Variants in EPGN observed in about 807,000 individuals in gnomAD.
The protein encoded by EPGN is epithelial mitogen.
Under a neutral mutation model 20.7 loss-of-function variants are expected in EPGN, and 21 were observed. The ratio of observed to expected loss-of-function variants is 1.01; its 90% CI spans 0.72 to 1.46. The LOEUF is 1.46. EPGN is among the 40% of genes most tolerant of loss of function. The probability of loss-of-function intolerance (pLI) is 0.00; values close to 1 mark genes in which losing one functional copy is unlikely to be tolerated. For synonymous variants in EPGN, 69 were observed against 63.8 expected (o/e 1.08, Z -0.39); for missense variants, 199 against 180.7 (o/e 1.10, Z -0.58).
chr4:74,311,217 G>C (rs911031471), intron 2 of EPGN, among the ~76,000 whole-genome samples: 3 of 151,822 alleles, frequency 2.0e-5, no homozygotes, highest in East Asian at 1.9e-4. Flanking sequence ...TTAGTTAATC[G>C]AACTTGTTTA....
At chr4:74,308,867 T>C (rs146368644) in intron 1 of EPGN, among the ~76,000 whole-genome samples, 12 of 152,336 alleles carry the variant, frequency 7.9e-5, no homozygotes, top group African/African-American at 2.9e-4. Flanking sequence ...AATATGTAAA[T>C]GTATCAATGG....
At chr4:74,313,363 C>A in intron 4 of EPGN, 193 bp downstream of exon 4, 1 of 1,396,136 alleles carries the variant, frequency 7.2e-7, no homozygotes. Flanking sequence ...TAAAAATTTG[C>A]CTTCAGTTGT....
Position 74,314,541 on chromosome 4 carries a change from C to T in EPGN, c.408-39C>T, listed in dbSNP as rs1751172445. On this transcript the variant is annotated intron_variant, in intron 4 of 4. Coordinates refer to ENST00000413830, the MANE Select transcript of EPGN (RefSeq NM_001270989.2). Reference sequence around the variant, plus strand: ...GTAAGCTTCAATGACCTATATGAACCACAGTCAAATTCATATGGAAACCAA... The same window carrying T: ...GTAAGCTTCAATGACCTATATGAACTACAGTCAAATTCATATGGAAACCAA... The T allele has an allele frequency of 2.0e-6, 3 of 1,526,304 alleles. No homozygotes were observed. The Admixed American group carries it at 5.9e-5, about 30-fold the overall frequency. The allele number at this position is 1,526,304 out of a possible 1,614,324, so 94.5% of individuals were successfully genotyped here. A position where few individuals can be genotyped will look rare whatever the true frequency, so the allele number is the denominator to read the frequency against.
rs1751254373 is a variant in EPGN at position 74,315,969 on chromosome 4, AT to A, written c.*1333del. 6.6e-6 allele frequency among the ~76,000 whole-genome samples: 1 copy of A among 151,316 alleles called. No individual in the cohort carries two copies. Among genetic ancestry groups the A allele is most frequent in the African/African-American group, 2.4e-5 (1 of 40,982 alleles). On this transcript the variant is annotated 3_prime_UTR_variant, in exon 5 of 5. Transcript: ENST00000413830. ...CTCCATCTCAAAAAAAAAAAAAAAA[AT>A]CAGTATCCTTCCTCTTAGTTATATT... is the stretch of plus-strand genomic sequence containing the variant.
chr4:74,314,077 A>G, intron 4 of EPGN: 1 of 455,904 alleles, frequency 2.2e-6, no homozygotes, highest in South Asian at 1.6e-5. Flanking sequence ...GCCTTCAGAT[A>G]GAGATTGCTG....
At chr4:74,313,360 T>C (rs898452281) in intron 4 of EPGN, 190 bp downstream of exon 4, 1 of 1,397,098 alleles carries the variant, frequency 7.2e-7, no homozygotes, top group Non-Finnish European at 9.2e-7. Context: ...TGGTAAAAAT[T>C]TGCCTTCAGT....
intron 2 of EPGN, among the ~76,000 whole-genome samples, chr4:74,310,544 G>A (rs562533949): frequency 6.7e-5 from 10 of 150,108 alleles, no homozygotes; most frequent in South Asian, 6.3e-4. Context: ...GACTGACTTC[G>A]TAATAGCATG....
In EPGN at chr4:74,314,758, G is replaced by T; in HGVS notation, c.*121G>T. 5 of 918,450 alleles carry T rather than the reference G, an allele frequency of 5.4e-6. No homozygotes were observed. Among genetic ancestry groups the T allele is most frequent in the Non-Finnish European group, 6.5e-6 (4 of 612,214 alleles). The allele number at this position is 918,450 out of a possible 1,614,324, so 56.9% of individuals were successfully genotyped here. A position where few individuals can be genotyped will look rare whatever the true frequency, so the allele number is the denominator to read the frequency against. ...TAGACTCGAAAATAATGAAAGTTGG[G>T]ATCACAATGAAATGAGAAGATAAAA... On this transcript the variant is annotated 3_prime_UTR_variant, in exon 5 of 5. Transcript: ENST00000413830.
At position 74,313,030 on chromosome 4, in the gene EPGN, T is replaced by C; in HGVS notation, c.267T>C (p.Gly89=). Reference sequence around the variant, plus strand: ...TCTTTTTTTAAAGGTGTTTTACTGGTTATACTGGAGAAAGGTGTGAGCACT... The same window carrying C: ...TCTTTTTTTAAAGGTGTTTTACTGGCTATACTGGAGAAAGGTGTGAGCACT... ...LEKAICRCFT[G]YTGERCEHLT... The change falls in exon 4 of 5, where the codon GGT becomes GGC. Residue 89 remains glycine, a synonymous_variant. Transcript: ENST00000413830. 1.2e-6 allele frequency: 2 copies of C among 1,608,010 alleles called. No individual in the cohort carries two copies. Among genetic ancestry groups the C allele is most frequent in the East Asian group, 2.2e-5 (1 of 44,584 alleles).
rs1578793048 is a variant in EPGN at position 74,314,968 on chromosome 4, G to A, written c.*331G>A. The stretch of plus-strand genomic sequence containing the variant: ...CTATGTCAGATGTGAATTTTCATGG[G>A]AATAATAATCAACCTTGCAGCAAGC... On this transcript the variant is annotated 3_prime_UTR_variant, in exon 5 of 5. Coordinates refer to ENST00000413830, the MANE Select transcript of EPGN (RefSeq NM_001270989.2). The A allele has an allele frequency of 6.8e-6, 2 of 292,878 alleles. No homozygotes were observed. The highest frequency in any genetic ancestry group is 1.0e-4 in the South Asian group (2 of 19,986). 18.1% of individuals were successfully genotyped at this position (292,878 alleles called of 1,614,324 possible). A position where few individuals can be genotyped will look rare whatever the true frequency, so the allele number is the denominator to read the frequency against.
chr4:74,313,535 C>A (rs1751106101), intron 4 of EPGN: 3 of 1,088,862 alleles, frequency 2.8e-6, no homozygotes, highest in Non-Finnish European at 3.3e-6. Context: ...GCACACAACA[C>A]ACACTGAGTA....
At position 74,316,344 on chromosome 4, in the gene EPGN, G is replaced by A. The variant is rs1381837409; in HGVS notation, c.*1707G>A. 4.0e-5 allele frequency among the ~76,000 whole-genome samples: 6 copies of A among 151,638 alleles called. No homozygotes were observed. Among genetic ancestry groups the A allele is most frequent in the Non-Finnish European group, 7.4e-5 (5 of 67,882 alleles). The stretch of plus-strand genomic sequence containing the variant: ...ATGGACTCTTTTTTTTTCCATTTGT[G>A]ATGTAGATAAGCAAGACAATTTTGA... On this transcript the variant is annotated 3_prime_UTR_variant, in exon 5 of 5. Transcript: ENST00000413830.
At position 74,313,077 on chromosome 4, in the gene EPGN, T is replaced by G; in HGVS notation, c.314T>G (p.Val105Gly). ...CACTTGACTTTAACTTCATATGCTG[T>G]GGATTCTTATGAAAAATACATTGCA... ...CEHLTLTSYA[V>G]DSYEKYIAIG... is the part of the protein sequence containing the mutation. Residue 105 changes from valine to glycine, a missense_variant, in exon 4 of 5, where the codon GTG (valine) becomes GGG (glycine). Transcript: ENST00000413830. The G allele has an allele frequency of 1.2e-6, 2 of 1,613,388 alleles. No individual in the cohort carries two copies. The highest frequency in any genetic ancestry group is 1.7e-6 in the Non-Finnish European group (2 of 1,179,688).
chr4:74,314,563 C>G lies in EPGN; in HGVS notation c.408-17C>G, dbSNP rs1751174508. 6.5e-7 allele frequency: 1 copy of G among 1,535,560 alleles called. No homozygotes were observed. The highest frequency in any genetic ancestry group is 2.0e-5 in the Admixed American group (1 of 50,970). Reference sequence around the variant, plus strand: ...AACCACAGTCAAATTCATATGGAAACCAATGCTCTGTTTCAGGTGTCTAAA... The same window carrying G: ...AACCACAGTCAAATTCATATGGAAAGCAATGCTCTGTTTCAGGTGTCTAAA... On this transcript the variant is annotated splice_polypyrimidine_tract_variant and intron_variant, in intron 4 of 4. Transcript: ENST00000413830.
At position 74,315,625 on chromosome 4, in the gene EPGN, G is replaced by GA. The variant is rs1381744348; in HGVS notation, c.*996dup. On this transcript the variant is annotated 3_prime_UTR_variant, in exon 5 of 5. Coordinates refer to ENST00000413830, the MANE Select transcript of EPGN (RefSeq NM_001270989.2). ...TAACAGATTTGCACATAGAGGGAGAGAAAAAAAATGGAGTAACAGTCAAAA... is the reference window on the plus strand; with the variant it reads ...TAACAGATTTGCACATAGAGGGAGAGAAAAAAAAATGGAGTAACAGTCAAAA... 1.3e-5 allele frequency among the ~76,000 whole-genome samples: 2 copies of GA among 151,630 alleles called. No individual in the cohort carries two copies. The highest frequency in any genetic ancestry group is 6.6e-5 in the Admixed American group (1 of 15,224).
intron 2 of EPGN, among the ~76,000 whole-genome samples, chr4:74,309,394 CA>C (rs1381637942): frequency 6.6e-6 from 1 of 152,148 alleles, no homozygotes; most frequent in Non-Finnish European, 1.5e-5. Flanking sequence ...GCAAATGAGA[CA>C]AAAGCTGTCT....
At chr4:74,313,481 T>G in intron 4 of EPGN, 1 of 1,214,670 alleles carries the variant, frequency 8.2e-7, no homozygotes, top group African/African-American at 1.6e-5. Context: ...GGACTAAGTA[T>G]GTCTTGTTCA....
At chr4:74,311,082 C>G (rs959552315) in intron 2 of EPGN, among the ~76,000 whole-genome samples, 7 of 151,912 alleles carry the variant, frequency 4.6e-5, no homozygotes, top group Admixed American at 4.6e-4. Flanking sequence ...AATCTAGTAT[C>G]TTAGAAAAAT....
At position 74,313,097 on chromosome 4, in the gene EPGN, A is replaced by G. The variant is rs1419849260; in HGVS notation, c.334A>G (p.Ile112Val). The G allele has an allele frequency of 1.2e-6, 2 of 1,613,138 alleles. No homozygotes were observed. Among genetic ancestry groups the G allele is most frequent in the Admixed American group, 1.7e-5 (1 of 59,920 alleles). The change falls in exon 4 of 5, where the codon ATT (isoleucine) becomes GTT (valine). Residue 112 changes from isoleucine to valine, a missense_variant. Physicochemically the swap from Ile to Val is conservative, Grantham distance 29. Coordinates refer to ENST00000413830, the MANE Select transcript of EPGN (RefSeq NM_001270989.2). Reference sequence around the variant, plus strand: ...TGCTGTGGATTCTTATGAAAAATACATTGCAATTGGGATTGGTGTTGGATT... The same window carrying G: ...TGCTGTGGATTCTTATGAAAAATACGTTGCAATTGGGATTGGTGTTGGATT... Reference protein sequence around the residue: ...SYAVDSYEKYIAIGIGVGLLL... With the variant: ...SYAVDSYEKYVAIGIGVGLLL...
Sources: allele counts gnomAD v4.1 joint callset (sites outside exome capture counted in the v4.1 genomes callset), GRCh38; gene constraint gnomAD v4.1.1; transcripts MANE v1.5; gene names NCBI Gene and HGNC (gene_info 2026-07-23, HGNC 2026-07-21).